SIL1: variants seen among roughly 807,000 people sequenced by gnomAD.
SIL1 encodes SIL1 nucleotide exchange factor.
SIL1 carries 40 observed loss-of-function variants against 49.1 expected under a neutral mutation model. That is an observed-to-expected ratio of 0.81 (90% CI 0.63 to 1.06). SIL1 has a LOEUF of 1.06. Ranked by LOEUF, SIL1 falls within the 50% of genes least tolerant of loss-of-function variation. SIL1 has a pLI of 0.00. For synonymous variants in SIL1, 253 were observed against 250.8 expected (o/e 1.01, Z -0.08); for missense variants, 500 against 572.6 (o/e 0.87, Z 1.29).
intron 1 of SIL1, among the ~76,000 whole-genome samples, chr5:139,192,434 G>A (rs1230265239): frequency 6.6e-6 from 1 of 152,104 alleles, no homozygotes; most frequent in Non-Finnish European, 1.5e-5. Context: ...TAACCAAAAG[G>A]GATGATCAAG....
chr5:139,080,037 C>T (rs1170414295), intron 3 of SIL1, among the ~76,000 whole-genome samples: 1 of 151,982 alleles, frequency 6.6e-6, no homozygotes, highest in Non-Finnish European at 1.5e-5. Flanking sequence ...TAATTTCTTA[C>T]ATAACTGAAA....
intron 7 of SIL1, among the ~76,000 whole-genome samples, chr5:138,974,827 G>T (rs1200204597): frequency 2.0e-5 from 3 of 152,172 alleles, no homozygotes; most frequent in African/African-American, 7.2e-5. Context: ...AATGTGCTGT[G>T]TTCTGTGCTA....
At chr5:138,958,682 A>G (rs1440163804) in intron 7 of SIL1, among the ~76,000 whole-genome samples, 2 of 152,050 alleles carry the variant, frequency 1.3e-5, no homozygotes, top group Admixed American at 1.3e-4. Flanking sequence ...TTTTTGGATC[A>G]GGGATGCTCA....
chr5:139,056,858 G>C (rs1014838793), intron 3 of SIL1, among the ~76,000 whole-genome samples: 2 of 151,982 alleles, frequency 1.3e-5, no homozygotes, highest in Middle Eastern at 3.2e-3. Context: ...TGACAATGGC[G>C]GTTTTGTGGA....
In SIL1 at chr5:139,119,667, G is replaced by A. The variant is rs568684716; in HGVS notation, c.244+1368C>T. On this transcript the variant is annotated intron_variant, in intron 3 of 9. Transcript: ENST00000394817. ...TCCCAGCTACTCTGGAGGCTGAGAT[G>A]GGAGGATTACTTGAGCCCAGGAGGC... is the stretch of plus-strand genomic sequence containing the variant. Among the ~76,000 whole-genome samples the A allele has an allele frequency of 6.6e-5, 10 of 152,248 alleles. No homozygotes were observed. The South Asian group carries it at 1.9e-3, about 28-fold the overall frequency.
intron 5 of SIL1, chr5:139,035,227 C>A: frequency 2.2e-6 from 1 of 451,608 alleles, no homozygotes; most frequent in Non-Finnish European, 4.3e-6. Context: ...ACACTGCAGC[C>A]CACAAACTGA....
At chr5:139,113,143 A>T (rs1319140636) in intron 3 of SIL1, among the ~76,000 whole-genome samples, 2 of 151,912 alleles carry the variant, frequency 1.3e-5, no homozygotes, top group Non-Finnish European at 2.9e-5. Flanking sequence ...TCAAGTACCC[A>T]GGGACACAAA....
intron 1 of SIL1, among the ~76,000 whole-genome samples, chr5:139,169,442 GTGTGTGTGTGTA>G (rs1258225839): frequency 1.3e-5 from 2 of 148,714 alleles, no homozygotes; most frequent in African/African-American, 5.0e-5. Flanking sequence ...AAAGTATGGT[GTGTGTGTGTGTA>G]TGTGTGTGTG....
chr5:138,947,479 A>C lies in SIL1; in HGVS notation c.1030-6T>G, dbSNP rs750904029. 5.6e-6 allele frequency: 9 copies of C among 1,612,802 alleles called. No individual in the cohort carries two copies. In the Admixed American group the frequency reaches 1.5e-4, roughly 27 times the overall value. ...GCCTCCTCCTCGGCGAACATCTGCC[A>C]TCCGCCACAGCCGCAGGCCAGGTAG... On this transcript the variant is annotated splice_region_variant and splice_polypyrimidine_tract_variant and intron_variant, in intron 9 of 9. Transcript: ENST00000394817. The surrounding 1 kb of genome is among the most constrained non-coding windows in gnomAD (Gnocchi z 4.1).
intron 3 of SIL1, among the ~76,000 whole-genome samples, chr5:139,075,205 G>A (rs530313808): frequency 6.6e-6 from 1 of 152,286 alleles, no homozygotes; most frequent in Non-Finnish European, 1.5e-5. Context: ...GAGTCTGAAA[G>A]CACTATCCAC....
chr5:138,989,191 A>G (rs946744853), intron 7 of SIL1, among the ~76,000 whole-genome samples: 1 of 152,196 alleles, frequency 6.6e-6, no homozygotes, highest in Non-Finnish European at 1.5e-5. Context: ...CATAGACAGT[A>G]ATCTGGACAC....
intron 3 of SIL1, among the ~76,000 whole-genome samples, chr5:139,095,265 C>CTTTTT (rs1172866470): frequency 1.5e-5 from 2 of 131,832 alleles, no homozygotes; most frequent in Non-Finnish European, 3.2e-5. Flanking sequence ...TATTGGAATT[C>CTTTTT]TTTTTTTTTT....
At chr5:139,125,654 A>G (rs1750737337) in intron 2 of SIL1, among the ~76,000 whole-genome samples, 3 of 152,352 alleles carry the variant, frequency 2.0e-5, no homozygotes, top group Admixed American at 1.3e-4. Context: ...AATCTACACT[A>G]AAACCTTAAG....
intron 4 of SIL1, among the ~76,000 whole-genome samples, chr5:139,049,116 TAAG>T (rs1276685096): frequency 2.0e-5 from 3 of 152,162 alleles, no homozygotes; most frequent in Non-Finnish European, 4.4e-5. Context: ...AAGACTAGGG[TAAG>T]AAGTGAGTCT....
In SIL1 at chr5:139,050,943, G is replaced by A; in HGVS notation, c.348C>T (p.Gly116=). Residue 116 remains glycine (G), a synonymous_variant, in exon 4 of 10, where the codon GGC becomes GGT. Transcript: ENST00000394817. The part of the protein sequence containing the change: ...YEDKFRNNLK[G]KRLDINTNTY... ...CCCTAGGGTTGACACTGTACCTTTTGCCTTTCAAATTATTTCGGAACTTGT... is the reference window on the plus strand; with the variant it reads ...CCCTAGGGTTGACACTGTACCTTTTACCTTTCAAATTATTTCGGAACTTGT... 2 of 1,613,688 alleles carry A rather than the reference G, an allele frequency of 1.2e-6. No homozygotes were observed. The highest frequency in any genetic ancestry group is 1.7e-5 in the Admixed American group (1 of 60,018).
chr5:139,065,052 C>A (rs184639481), intron 3 of SIL1, among the ~76,000 whole-genome samples: 1 of 152,142 alleles, frequency 6.6e-6, no homozygotes, highest in Non-Finnish European at 1.5e-5. Flanking sequence ...GAGTGTTAAT[C>A]GGCTCTCAAT....
At chr5:139,096,206 A>G (rs957205176) in intron 3 of SIL1, among the ~76,000 whole-genome samples, 3 of 151,996 alleles carry the variant, frequency 2.0e-5, no homozygotes, top group African/African-American at 7.3e-5. Flanking sequence ...ACTGGACCAA[A>G]CTCAGCTGAC....
At chr5:139,171,110 C>T (rs1195389569) in intron 1 of SIL1, among the ~76,000 whole-genome samples, 3 of 151,436 alleles carry the variant, frequency 2.0e-5, no homozygotes, top group Non-Finnish European at 4.4e-5. Context: ...CCAGCCGCCC[C>T]GTCCGGGAGG....
At chr5:139,035,457 G>T (rs907208503) in intron 5 of SIL1, 10 of 538,702 alleles carry the variant, frequency 1.9e-5, no homozygotes, top group Admixed American at 9.6e-5. Context: ...GTTCTGAATG[G>T]CCAGTTTCAC....
Sources: gnomAD v4.1 joint callset for allele counts (sites outside exome capture counted in the v4.1 genomes callset) on GRCh38, gnomAD v4.1.1 for gene constraint, Gnocchi (gnomAD v3.1) non-coding constraint, MANE v1.5 for transcripts, NCBI Gene and HGNC (gene_info 2026-07-23, HGNC 2026-07-21) for gene names.